ROCK1: variants seen among roughly 807,000 people sequenced by gnomAD.
The protein encoded by ROCK1 is Rho associated coiled-coil containing protein kinase 1.
A neutral mutation model predicts 196.8 loss-of-function variants in ROCK1; 36 were observed. That is an observed-to-expected ratio of 0.18 (90% confidence interval 0.14 to 0.24). The LOEUF (loss-of-function observed/expected upper bound fraction) is 0.24. Among genes scored for constraint, ROCK1 ranks in the 10% least tolerant of loss-of-function variants. The pLI is 1.00. For missense variants in ROCK1, 920 were observed against 1,562.0 expected (o/e 0.59, Z 6.93); for synonymous variants, 443 against 515.9 (o/e 0.86, Z 1.91).
chr18:20,958,931 A>G (rs2035278120), intron 29 of ROCK1, among the ~76,000 whole-genome samples: 1 of 92,470 alleles, frequency 1.1e-5, no homozygotes, highest in Non-Finnish European at 2.0e-5. Flanking sequence ...TTATATATAT[A>G]TTATATAAAA....
rs1280047988 is a variant in ROCK1, at chr18:20,949,369, AG to A, written c.*2014del. The A allele has an allele frequency of 6.6e-6, 1 of 152,338 alleles. No homozygotes were observed. The highest frequency in any genetic ancestry group is 1.5e-5 in the Non-Finnish European group (1 of 68,098). 9.4% of individuals were successfully genotyped at this position (152,338 alleles called of 1,614,324 possible). On this transcript the variant is annotated 3_prime_UTR_variant, in exon 33 of 33. Coordinates refer to ENST00000399799, the MANE Select transcript of ROCK1 (RefSeq NM_005406.3). ...GTCAGAGTCAGATGACTTCATTCAC[AG>A]CACAGCAAAAGCAGCATAAGTTTCA...
chr18:21,086,660 A>T (rs1366614886), intron 1 of ROCK1, among the ~76,000 whole-genome samples: 2 of 152,124 alleles, frequency 1.3e-5, no homozygotes, highest in African/African-American at 4.8e-5. Context: ...AAAAGACATA[A>T]ACCTACAGGT....
At chr18:20,988,982 C>A (rs1315782806) in intron 18 of ROCK1, among the ~76,000 whole-genome samples, 2 of 152,044 alleles carry the variant, frequency 1.3e-5, no homozygotes, top group African/African-American at 4.8e-5. Context: ...AGGGTACACA[C>A]AACAAAGTGT....
chr18:20,977,705 T>C (rs1356972333), intron 22 of ROCK1, among the ~76,000 whole-genome samples: 2 of 152,122 alleles, frequency 1.3e-5, no homozygotes, highest in East Asian at 1.9e-4. Flanking sequence ...TGAAACAATA[T>C]AGTATGGATT....
chr18:21,042,840 T>C (rs1332429977), intron 6 of ROCK1, 131 bp from the exon 7 acceptor site: 4 of 873,000 alleles, frequency 4.6e-6, no homozygotes, highest in South Asian at 1.9e-5. Context: ...TAAAACTGAA[T>C]GGAAACCTGA....
Position 21,042,683 on chromosome 18 carries a change from C to T in ROCK1, c.702G>A (p.Ala234=), listed in dbSNP as rs536836209. Residue 234 remains alanine, a synonymous_variant, in exon 7 of 33, where the codon GCG becomes GCA. Coordinates refer to ENST00000399799, the MANE Select transcript of ROCK1 (RefSeq NM_005406.3). ...NKEGMVRCDT[A]VGTPDYISPE... is the part of the protein sequence containing the mutation. The stretch of plus-strand genomic sequence containing the variant: ...GGGAAATATAATCAGGTGTTCCAAC[C>T]GCTGTATCACATCGTACCATGCCTT... 3.1e-5 allele frequency: 50 copies of T among 1,613,154 alleles called. No homozygotes were observed. Among genetic ancestry groups the T allele is most frequent in the African/African-American group, 2.1e-4 (16 of 74,972 alleles).
intron 13 of ROCK1, among the ~76,000 whole-genome samples, chr18:21,008,994 C>T (rs1438517964): frequency 6.6e-6 from 1 of 152,064 alleles, no homozygotes; most frequent in Non-Finnish European, 1.5e-5. Flanking sequence ...AACGAAGATA[C>T]AGAACTGGTC....
rs143940217 is a variant in ROCK1 at position 20,983,178 on chromosome 18, A to C, written c.2490-346T>G. ...GAGAAAAGCAGTCATAGGGAAGAAA[A>C]TGTCTTGTACAGTAAATAAAAAAAG... On this transcript the variant is annotated intron_variant, in intron 20 of 32. Coordinates refer to ENST00000399799, the MANE Select transcript of ROCK1 (RefSeq NM_005406.3). 7.3e-5 allele frequency among the ~76,000 whole-genome samples: 11 copies of C among 151,556 alleles called. No homozygotes were observed. The East Asian group carries it at 1.9e-3, about 27-fold the overall frequency.
intron 5 of ROCK1, among the ~76,000 whole-genome samples, 171 bp from the exon 6 acceptor site, chr18:21,044,357 T>C (rs1283005390): frequency 6.6e-6 from 1 of 152,240 alleles, no homozygotes; most frequent in Non-Finnish European, 1.5e-5. Context: ...AGAAACTTCT[T>C]TATATGTTAA....
chr18:21,006,337 AG>A lies in ROCK1; in HGVS notation c.1885+13del, dbSNP rs1568381544. On this transcript the variant is annotated intron_variant, in intron 16 of 32. Coordinates refer to ENST00000399799, the MANE Select transcript of ROCK1 (RefSeq NM_005406.3). ...ATGTTACGTATATTTTACCACAATA[AG>A]AAAAAATATTACCTTGAAGGTCTCC... 3 of 1,590,332 alleles carry A rather than the reference AG, an allele frequency of 1.9e-6. No homozygotes were observed. Among genetic ancestry groups the A allele is most frequent in the Admixed American group, 1.8e-5 (1 of 55,924 alleles).
intron 29 of ROCK1, among the ~76,000 whole-genome samples, chr18:20,957,583 C>T (rs1411970676): frequency 2.6e-5 from 4 of 152,140 alleles, no homozygotes; most frequent in African/African-American, 7.2e-5. Flanking sequence ...TGGGTTCAAG[C>T]GATTCTCCTG....
At position 20,949,807 on chromosome 18, in the gene ROCK1, A is replaced by G. The variant is rs562181044; in HGVS notation, c.*1577T>C. On this transcript the variant is annotated 3_prime_UTR_variant, in exon 33 of 33. Coordinates refer to ENST00000399799, the MANE Select transcript of ROCK1 (RefSeq NM_005406.3). ...CACAAACATTTATATACAATCAGAG[A>G]CTAATTTGAAGTATGTTTTCCATTC... The G allele has an allele frequency of 1.0e-4, 16 of 152,782 alleles. No homozygotes were observed. The South Asian group carries it at 3.3e-3, about 32-fold the overall frequency. 9.5% of individuals were successfully genotyped at this position (152,782 alleles called of 1,614,324 possible).
intron 11 of ROCK1, among the ~76,000 whole-genome samples, chr18:21,020,524 T>C (rs1432069618): frequency 6.6e-6 from 1 of 152,156 alleles, no homozygotes; most frequent in Non-Finnish European, 1.5e-5. Context: ...AAAAAGAAGC[T>C]ACAATGTCCC....
Position 21,111,325 on chromosome 18 carries a change from G to A in ROCK1, c.-415C>T. The A allele has an allele frequency of 2.2e-6, 1 of 452,796 alleles. No homozygotes were observed. Among genetic ancestry groups the A allele is most frequent in the South Asian group, 5.7e-5 (1 of 17,548 alleles). 28.0% of individuals were successfully genotyped at this position (452,796 alleles called of 1,614,324 possible). On this transcript the variant is annotated 5_prime_UTR_variant, in exon 1 of 33. Coordinates refer to ENST00000399799, the MANE Select transcript of ROCK1 (RefSeq NM_005406.3). This position sits in a 1 kb window ranked among gnomAD's most constrained non-coding sequence, Gnocchi z 4.2. ...GACTCCCTCCGGGCAACAAGGGAGG[G>A]AGAAGAGGAAAGGCGAAAGCAAAGG...
chr18:20,956,860 G>C (rs939288233), intron 29 of ROCK1, among the ~76,000 whole-genome samples: 1 of 151,852 alleles, frequency 6.6e-6, no homozygotes, highest in South Asian at 2.1e-4. Context: ...ATTTAAAAAC[G>C]GGCAAAAGAC....
rs1452927367 is a variant in ROCK1 at position 20,974,168 on chromosome 18, T to C, written c.2655-3655A>G. On this transcript the variant is annotated intron_variant, in intron 22 of 32. Coordinates refer to ENST00000399799, the MANE Select transcript of ROCK1 (RefSeq NM_005406.3). ...GATGCAGACAAGTTAGTAGCTATGG[T>C]GGTGAAAGAGAATAGATGTTCTCTT... Among the ~76,000 whole-genome samples, 3 of 152,272 alleles carry C rather than the reference T, an allele frequency of 2.0e-5. No homozygotes were observed. In the East Asian group the frequency reaches 5.8e-4, roughly 29 times the overall value.
chr18:21,072,964 C>T (rs1411490995), intron 1 of ROCK1, among the ~76,000 whole-genome samples: 1 of 148,568 alleles, frequency 6.7e-6, no homozygotes, highest in African/African-American at 2.5e-5. Context: ...ATCCCAGCTA[C>T]TCGGGAGGTT....
chr18:21,022,107 T>C (rs1019592991), intron 11 of ROCK1, among the ~76,000 whole-genome samples: 2 of 152,092 alleles, frequency 1.3e-5, no homozygotes, highest in African/African-American at 4.8e-5. Context: ...CTGCTACCTC[T>C]TCCTCTCCTC....
At chr18:20,967,633 C>G (rs2035386405) in intron 26 of ROCK1, 119 bp downstream of exon 26, 1 of 746,382 alleles carries the variant, frequency 1.3e-6, no homozygotes, top group African/African-American at 1.8e-5. Flanking sequence ...TGAAACCAAA[C>G]AGGCAGAACC....
Sources: gnomAD v4.1 joint callset for allele counts (sites outside exome capture counted in the v4.1 genomes callset) on GRCh38, gnomAD v4.1.1 for gene constraint, Gnocchi (gnomAD v3.1) non-coding constraint, MANE v1.5 for transcripts, NCBI Gene and HGNC (gene_info 2026-07-23, HGNC 2026-07-21) for gene names.